The following CHD8 variants were observed in gnomAD, a reference collection of about 807,000 sequenced individuals.
CHD8 encodes the protein chromodomain helicase DNA binding protein 8.
A neutral mutation model predicts 279.2 loss-of-function variants in CHD8; 31 were observed. That is an observed-to-expected ratio of 0.11 (90% CI 0.08 to 0.15). The LOEUF is 0.15. CHD8 is among the 10% of genes least tolerant of loss of function. CHD8 has a pLI of 1.00. For synonymous variants in CHD8, 1,081 were observed against 1,139.6 expected (o/e 0.95, Z 1.04); for missense variants, 2,146 against 3,230.5 (o/e 0.66, Z 8.14).
At chr14:21,434,416 G>A (rs1485590876) in intron 1 of CHD8, among the ~76,000 whole-genome samples, 1 of 151,714 alleles carries the variant, frequency 6.6e-6, no homozygotes, top group Non-Finnish European at 1.5e-5. Context: ...GTATTTTGTC[G>A]CTTCCATGAT....
At position 21,414,311 on chromosome 14, in the gene CHD8, A is replaced by C; in HGVS notation, c.2132T>G (p.Phe711Cys). Residue 711 changes from phenylalanine to cysteine, a missense_variant, in exon 9 of 38, where the codon TTC becomes TGC. Phe to Cys is a radical substitution (Grantham distance 205, BLOSUM62 -2). Around this residue, in one of 26 missense-constraint regions of CHD8, gnomAD observed 211 missense variants for 464.7 expected, o/e 0.45. Coordinates refer to ENST00000646647, the MANE Select transcript of CHD8 (RefSeq NM_001170629.2). ...FKTKMAQMRHFFHEDEEPFNP... is the reference protein window; with the variant it reads ...FKTKMAQMRHCFHEDEEPFNP... ...CCTATTCCTAATTACCTCATGGAAG[A>C]AGTGTCTCATCTGAGCCATTTTGGT... is the stretch of plus-strand genomic sequence containing the variant. The C allele has an allele frequency of 6.7e-7, 1 of 1,486,906 alleles. No individual in the cohort carries two copies. The highest frequency in any genetic ancestry group is 9.3e-7 in the Non-Finnish European group (1 of 1,080,542). 92.1% of individuals were successfully genotyped at this position (1,486,906 alleles called of 1,614,324 possible).
rs1888112248 is a variant in CHD8, at chr14:21,403,287, T to C, written c.3519-75A>G. On this transcript the variant is annotated intron_variant, in intron 17 of 37. Transcript: ENST00000646647. This position sits in a 1 kb window ranked among gnomAD's most constrained non-coding sequence, Gnocchi z 4.3. ...GACCAAAACAGCAGGCTAGGATCAATACCAGTACTCCCATATCAAAGCTGG... is the reference window on the plus strand; with the variant it reads ...GACCAAAACAGCAGGCTAGGATCAACACCAGTACTCCCATATCAAAGCTGG... 2.1e-6 allele frequency: 3 copies of C among 1,430,520 alleles called. No homozygotes were observed. Among genetic ancestry groups the C allele is most frequent in the Non-Finnish European group, 2.9e-6 (3 of 1,037,238 alleles). The allele number at this position is 1,430,520 out of a possible 1,614,324, so 88.6% of individuals were successfully genotyped here.
At chr14:21,392,237 G>A (rs776437407) in intron 34 of CHD8, 1 of 754,948 alleles carries the variant, frequency 1.3e-6, no homozygotes, top group Non-Finnish European at 2.4e-6. Context: ...TATTAGCATG[G>A]CAACTCATCA....
intron 1 of CHD8, among the ~76,000 whole-genome samples, chr14:21,434,107 G>A (rs956807321): frequency 2.7e-5 from 4 of 147,762 alleles, no homozygotes; most frequent in African/African-American, 5.0e-5. Flanking sequence ...GTGCAATGGC[G>A]CGATCTCGGC....
chr14:21,401,862 A>C lies in CHD8; in HGVS notation c.4062+95T>G. On this transcript the variant is annotated intron_variant, in intron 20 of 37. Transcript: ENST00000646647. ...CAGCCTCCCAAAGTGCTGGGAATAT[A>C]GGCATGAGCCACCATCCCCAGCATA... is the stretch of plus-strand genomic sequence containing the variant. 10 of 1,185,952 alleles carry C rather than the reference A, an allele frequency of 8.4e-6. No individual in the cohort carries two copies. The South Asian group carries it at 1.1e-4, about 13-fold the overall frequency. The allele number at this position is 1,185,952 out of a possible 1,614,324, so 73.5% of individuals were successfully genotyped here. A position where few individuals can be genotyped will look rare whatever the true frequency, so the allele number is the denominator to read the frequency against.
At chr14:21,446,834 C>G (rs777283190) in intron 1 of CHD8, among the ~76,000 whole-genome samples, 1 of 152,170 alleles carries the variant, frequency 6.6e-6, no homozygotes, top group Non-Finnish European at 1.5e-5. Context: ...TTATAACTTC[C>G]AGTACTTCTC....
Position 21,427,914 on chromosome 14 carries a change from C to T in CHD8, c.1556G>A (p.Ser519Asn). The T allele has an allele frequency of 2.5e-6, 4 of 1,614,080 alleles. No homozygotes were observed. The highest frequency in any genetic ancestry group is 3.4e-6 in the Non-Finnish European group (4 of 1,179,906). ...ERLKEEKPKK[S>N]KTSGASKTKG... The stretch of plus-strand genomic sequence containing the variant: ...TGTTTTGGAGGCACCAGATGTTTTA[C>T]TCTTCTTTGGCTTCTCCTCTTTCAG... Residue 519 changes from serine (S) to asparagine (N), a missense_variant, in exon 4 of 38, where the codon AGT becomes AAT. This residue lies in a region of CHD8 where 123 missense variants were observed against 169.2 expected (regional missense o/e 0.73). Transcript: ENST00000646647.
intron 37 of CHD8, chr14:21,386,450 A>G (rs1451728804): frequency 4.1e-6 from 2 of 489,200 alleles, no homozygotes; most frequent in African/African-American, 3.8e-5. Flanking sequence ...CCATGACTAT[A>G]TTGTATCTTT....
chr14:21,395,407 T>C (rs1887736882), intron 28 of CHD8, 55 bp from the exon 29 acceptor site: 3 of 1,286,066 alleles, frequency 2.3e-6, no homozygotes, highest in African/African-American at 1.5e-5. Context: ...GGGGGGGAAG[T>C]TGGCACTCTG....
intron 3 of CHD8, 80 bp from the exon 4 acceptor site, chr14:21,428,334 G>A: frequency 7.7e-7 from 1 of 1,299,226 alleles, no homozygotes. Flanking sequence ...AAGCAGGGGG[G>A]CTAGAAACTA....
intron 1 of CHD8, among the ~76,000 whole-genome samples, chr14:21,433,096 C>G (rs1283309342): frequency 6.6e-6 from 1 of 152,138 alleles, no homozygotes; most frequent in East Asian, 1.9e-4. Context: ...TCTGTGGATC[C>G]CCTAAGAACC....
At chr14:21,386,414 T>G in intron 37 of CHD8, 2 of 557,922 alleles carry the variant, frequency 3.6e-6, no homozygotes, top group Non-Finnish European at 6.4e-6. Flanking sequence ...CCGAAACTCA[T>G]ATTAACCAGT....
In CHD8 at chr14:21,405,709, T is replaced by C. The variant is rs745796759; in HGVS notation, c.3051+12A>G. On this transcript the variant is annotated intron_variant, in intron 15 of 37. Coordinates refer to ENST00000646647, the MANE Select transcript of CHD8 (RefSeq NM_001170629.2). This position sits in a 1 kb window ranked among gnomAD's most constrained non-coding sequence, Gnocchi z 4.2. ...TGTCCTGAGTTAGTACCTCATCAGA[T>C]AGATTTCCTACCTGTTCCTCTGTCT... 1.2e-5 allele frequency: 20 copies of C among 1,613,350 alleles called. No individual in the cohort carries two copies. The South Asian group carries it at 2.2e-4, about 18-fold the overall frequency.
intron 37 of CHD8, among the ~76,000 whole-genome samples, chr14:21,389,468 G>T (rs1246977629): frequency 6.6e-6 from 1 of 151,922 alleles, no homozygotes; most frequent in African/African-American, 2.4e-5. Context: ...AAAATTAGCT[G>T]GGTATGGTAG....
Position 21,429,351 on chromosome 14 carries a change from G to A in CHD8, c.844-16C>T, listed in dbSNP as rs758647158. The A allele has an allele frequency of 6.2e-7, 1 of 1,601,602 alleles. No individual in the cohort carries two copies. The highest frequency in any genetic ancestry group is 1.7e-5 in the Admixed American group (1 of 59,488). On this transcript the variant is annotated splice_polypyrimidine_tract_variant and intron_variant, in intron 2 of 37. Coordinates refer to ENST00000646647, the MANE Select transcript of CHD8 (RefSeq NM_001170629.2). ...TCGATTCACCCTAAAGTGAAGAAAG[G>A]AAATTGCAAGAGTACAACATTAAAG... is the stretch of plus-strand genomic sequence containing the variant.
At chr14:21,423,380 C>A (rs1465752605) in intron 5 of CHD8, among the ~76,000 whole-genome samples, 2 of 152,082 alleles carry the variant, frequency 1.3e-5, no homozygotes, top group Non-Finnish European at 2.9e-5. Flanking sequence ...CAAGAGAGGT[C>A]CCAACTTGAT....
chr14:21,414,839 A>G, intron 8 of CHD8, 99 bp downstream of exon 8: 1 of 831,530 alleles, frequency 1.2e-6, no homozygotes, highest in Non-Finnish European at 2.0e-6. Flanking sequence ...GGGCTACAAG[A>G]CTATAAAAAA....
intron 2 of CHD8, 26 bp from the exon 3 acceptor site, chr14:21,429,361 G>A (rs1215821076): frequency 3.1e-6 from 5 of 1,601,436 alleles, no homozygotes; most frequent in East Asian, 2.2e-5. Flanking sequence ...GAAATTGCAA[G>A]AGTACAACAT....
At position 21,408,461 on chromosome 14, in the gene CHD8, G is replaced by C; in HGVS notation, c.2581C>G (p.Pro861Ala). 1 of 1,613,894 alleles carries C rather than the reference G, an allele frequency of 6.2e-7. No individual in the cohort carries two copies. The highest frequency in any genetic ancestry group is 1.1e-5 in the South Asian group (1 of 91,078). ...GACAGTGGGGCAATGACCAAGAAGG[G>C]ACCATGGATGCCCACATTATATACT... ...QEVYNVGIHG[P>A]FLVIAPLSTI... The change falls in exon 13 of 38, where the codon CCC becomes GCC. Residue 861 changes from proline (P) to alanine (A), a missense_variant. This residue lies in a region of CHD8 where 211 missense variants were observed against 464.7 expected (regional missense o/e 0.45). Transcript: ENST00000646647. The surrounding 1 kb of genome is among the most constrained non-coding windows in gnomAD (Gnocchi z 4.3).
Sources: allele counts gnomAD v4.1 joint callset (sites outside exome capture counted in the v4.1 genomes callset), GRCh38; gene constraint gnomAD v4.1.1; regional missense constraint gnomAD v4.1.1; non-coding constraint Gnocchi (gnomAD v3.1); transcripts MANE v1.5; gene names NCBI Gene and HGNC (gene_info 2026-07-23, HGNC 2026-07-21).